UVRAG: variants seen among roughly 807,000 people sequenced by gnomAD.
UVRAG encodes the protein UV radiation resistance-associated gene protein.
Under a neutral mutation model 78.0 loss-of-function variants are expected in UVRAG, and 19 were observed. That is an observed-to-expected ratio of 0.24 (90% CI 0.17 to 0.36). UVRAG has a LOEUF of 0.36. Ranked by LOEUF, UVRAG falls within the 10% of genes least tolerant of loss-of-function variation. The pLI is 1.00. For missense variants in UVRAG, 740 were observed against 853.8 expected, an observed-to-expected ratio of 0.87 and a Z score of 1.66; for synonymous variants, 323 against 324.6, an observed-to-expected ratio of 1.00 and a Z score of 0.05.
At chr11:75,880,928 CTTTT>C (rs773034018) in intron 4 of UVRAG, among the ~76,000 whole-genome samples, 6 of 87,704 alleles carry the variant, frequency 6.8e-5, no homozygotes, top group Admixed American at 1.3e-4. Flanking sequence ...TTATTTACTT[CTTTT>C]TTTTTTTTTT....
At chr11:75,837,058 G>A (rs1290396534) in intron 1 of UVRAG, among the ~76,000 whole-genome samples, 2 of 151,810 alleles carry the variant, frequency 1.3e-5, no homozygotes, top group East Asian at 4.1e-4. Flanking sequence ...GGCCAGGAGC[G>A]GTGGCTCACG....
intron 8 of UVRAG, among the ~76,000 whole-genome samples, chr11:75,993,326 ACT>A (rs1949647651): frequency 6.6e-6 from 1 of 151,982 alleles, no homozygotes; most frequent in African/African-American, 2.4e-5. Context: ...ATTACTTCAC[ACT>A]CATACGTTTT....
chr11:75,858,112 A>T (rs1365477175), intron 2 of UVRAG, among the ~76,000 whole-genome samples: 2 of 151,404 alleles, frequency 1.3e-5, no homozygotes, highest in Non-Finnish European at 2.9e-5. Context: ...GCCTTCAAAT[A>T]TTTTTGTCTT....
At chr11:75,889,346 C>T (rs745942040) in intron 5 of UVRAG, among the ~76,000 whole-genome samples, 11 of 152,232 alleles carry the variant, frequency 7.2e-5, no homozygotes, top group Non-Finnish European at 4.4e-5. Context: ...GAAGCGAATT[C>T]ACATTTACCA....
chr11:75,870,562 A>G (rs1946626106), intron 3 of UVRAG, among the ~76,000 whole-genome samples: 2 of 152,176 alleles, frequency 1.3e-5, no homozygotes, highest in Admixed American at 1.3e-4. Flanking sequence ...ATATTTTAGT[A>G]TATATTTACT....
intron 14 of UVRAG, among the ~76,000 whole-genome samples, chr11:76,123,926 C>T (rs1952336676): frequency 6.6e-6 from 1 of 152,126 alleles, no homozygotes; most frequent in African/African-American, 2.4e-5. Flanking sequence ...CCACCACGCC[C>T]AGCTAATTTT....
chr11:75,976,020 T>G (rs2135253608), intron 7 of UVRAG, among the ~76,000 whole-genome samples: 2 of 152,330 alleles, frequency 1.3e-5, no homozygotes, highest in South Asian at 4.1e-4. Flanking sequence ...AAATAGCTCT[T>G]ATTATTTTGA....
At chr11:75,879,805 T>G in intron 3 of UVRAG, 74 bp from the exon 4 acceptor site, 3 of 1,544,322 alleles carry the variant, frequency 1.9e-6, no homozygotes, top group Non-Finnish European at 2.6e-6. Flanking sequence ...AAAAACAAAA[T>G]GATTTGTCAC....
chr11:76,035,401 T>A (rs1950514750), intron 12 of UVRAG, among the ~76,000 whole-genome samples: 1 of 152,206 alleles, frequency 6.6e-6, no homozygotes. Flanking sequence ...TATTCCTTTC[T>A]AAGATGATGC....
intron 3 of UVRAG, among the ~76,000 whole-genome samples, chr11:75,862,555 G>A (rs1201601548): frequency 6.6e-6 from 1 of 152,090 alleles, no homozygotes; most frequent in East Asian, 1.9e-4. Context: ...ACCTCTTTCA[G>A]TGCTTCAAAC....
chr11:75,960,209 T>G (rs1948883797), intron 6 of UVRAG, among the ~76,000 whole-genome samples: 2 of 152,234 alleles, frequency 1.3e-5, no homozygotes, highest in Non-Finnish European at 2.9e-5. Context: ...TTTGTTTTTT[T>G]TTTTTTGTTT....
chr11:75,905,174 T>A (rs1167447664), intron 5 of UVRAG, among the ~76,000 whole-genome samples: 1 of 152,206 alleles, frequency 6.6e-6, no homozygotes, highest in Non-Finnish European at 1.5e-5. Context: ...ACTTCTCAAG[T>A]CTTCTATTAT....
In UVRAG at chr11:76,140,963, C is replaced by A. The variant is rs1401932739; in HGVS notation, c.1650C>A (p.Ser550=). Residue 550 remains serine (S), a synonymous_variant, in exon 15 of 15, where the codon TCC becomes TCA. Coordinates refer to ENST00000356136, the MANE Select transcript of UVRAG (RefSeq NM_003369.4). ...GAAAGATAACATCTCTATCCTCCTC[C>A]TTGGATACCTCCTTGGACTTCTCCA... ...TERKITSLSS[S]LDTSLDFSKE... is the part of the protein sequence containing the mutation. 1 of 1,614,126 alleles carries A rather than the reference C, an allele frequency of 6.2e-7. No homozygotes were observed. Among genetic ancestry groups the A allele is most frequent in the African/African-American group, 1.3e-5 (1 of 75,040 alleles).
chr11:75,935,707 T>G (rs1463407013), intron 6 of UVRAG, among the ~76,000 whole-genome samples: 1 of 151,966 alleles, frequency 6.6e-6, no homozygotes. Context: ...ATAAAGAGCT[T>G]TCCCCCTGCT....
intron 12 of UVRAG, among the ~76,000 whole-genome samples, chr11:76,028,370 A>G (rs909324443): frequency 1.4e-4 from 21 of 152,132 alleles, no homozygotes; most frequent in African/African-American, 4.8e-4. Context: ...ATGGCCTCTA[A>G]GTGTTCAAGT....
At chr11:75,968,322 C>A (rs149911163) in intron 7 of UVRAG, among the ~76,000 whole-genome samples, 113 of 152,062 alleles carry the variant, frequency 7.4e-4, no homozygotes, top group African/African-American at 2.5e-3. Context: ...AATCTATTGG[C>A]GAAATATATG....
intron 5 of UVRAG, chr11:75,892,188 T>A (rs913861076): frequency 1.6e-4 from 46 of 291,986 alleles, no homozygotes; most frequent in African/African-American, 1.0e-3. Flanking sequence ...AGACAGGTTG[T>A]TTCTGATTGG....
intron 12 of UVRAG, among the ~76,000 whole-genome samples, chr11:76,035,277 G>T (rs982002824): frequency 6.6e-6 from 1 of 152,124 alleles, no homozygotes; most frequent in Admixed American, 6.5e-5. Context: ...TCTGGTTTCT[G>T]TATTGGTGGT....
At chr11:76,134,552 G>A (rs1002711455) in intron 14 of UVRAG, among the ~76,000 whole-genome samples, 3 of 152,162 alleles carry the variant, frequency 2.0e-5, no homozygotes, top group Non-Finnish European at 2.9e-5. Flanking sequence ...AAGAGAAACA[G>A]TAAAGGGAAG....
Sources: gnomAD v4.1 joint callset for allele counts (sites outside exome capture counted in the v4.1 genomes callset) on GRCh38, gnomAD v4.1.1 for gene constraint, MANE v1.5 for transcripts, NCBI Gene and HGNC (gene_info 2026-07-23, HGNC 2026-07-21) for gene names.